DAPK1: variants seen among roughly 807,000 people sequenced by gnomAD.
DAPK1 encodes the protein death-associated protein kinase 1.
A neutral mutation model predicts 144.9 loss-of-function variants in DAPK1; 56 were observed. That is an observed-to-expected ratio of 0.39 (90% confidence interval 0.31 to 0.48). The LOEUF (loss-of-function observed/expected upper bound fraction) is 0.48. Among genes scored for constraint, DAPK1 ranks in the 20% least tolerant of loss-of-function variants. The probability of loss-of-function intolerance (pLI) is 0.95; values close to 1 mark genes in which losing one functional copy is unlikely to be tolerated. For missense variants in DAPK1, 1,454 were observed against 1,875.4 expected (o/e 0.78, Z 4.15); for synonymous variants, 690 against 749.0 (o/e 0.92, Z 1.29).
At chr9:87,646,407 T>A in intron 12 of DAPK1, 54 bp from the exon 13 acceptor site, 1 of 1,349,236 alleles carries the variant, frequency 7.4e-7, no homozygotes, top group Non-Finnish European at 1.1e-6. Flanking sequence ...TCGTTTGGGC[T>A]TTTCCTTTCC....
intron 2 of DAPK1, among the ~76,000 whole-genome samples, chr9:87,524,746 C>T (rs62562127): frequency 0.089 from 13,540 of 152,118 alleles, 893 homozygotes; most frequent in East Asian, 0.33. Context: ...TGCAGTAAAC[C>T]GATGAGATTG....
intron 2 of DAPK1, among the ~76,000 whole-genome samples, chr9:87,547,714 G>A (rs756672784): frequency 1.3e-5 from 2 of 152,028 alleles, no homozygotes; most frequent in Non-Finnish European, 2.9e-5. Context: ...GGGGTGCAGG[G>A]TGGAGATCGG....
rs115594100 is a variant in DAPK1 at position 87,559,525 on chromosome 9, C to T, written c.63-45429C>T. ...AATTTTAGTTAAATTTCACTAGCAC[C>T]GTGACTAGTAGCTACTGTGGTGGAC... On this transcript the variant is annotated intron_variant, in intron 2 of 25. Coordinates refer to ENST00000408954, the MANE Select transcript of DAPK1 (RefSeq NM_004938.4). Among the ~76,000 whole-genome samples the T allele has an allele frequency of 2.9e-3, 448 of 152,184 alleles. 4 individuals carry two copies. Among genetic ancestry groups the T allele is most frequent in the African/African-American group, 1.0e-2 (415 of 41,522 alleles).
At chr9:87,666,841 G>T (rs546835060) in intron 18 of DAPK1, among the ~76,000 whole-genome samples, 2 of 152,298 alleles carry the variant, frequency 1.3e-5, no homozygotes, top group Non-Finnish European at 2.9e-5. Flanking sequence ...AGTTCATCCT[G>T]TCGGTGAAAG....
chr9:87,552,918 A>G (rs1826550729), intron 2 of DAPK1, among the ~76,000 whole-genome samples: 3 of 152,054 alleles, frequency 2.0e-5, no homozygotes, highest in South Asian at 4.2e-4. Flanking sequence ...CATTTGAACC[A>G]TTTTTAAGTG....
chr9:87,628,908 A>G (rs1050967621), intron 3 of DAPK1, among the ~76,000 whole-genome samples: 1 of 152,200 alleles, frequency 6.6e-6, no homozygotes, highest in African/African-American at 2.4e-5. Flanking sequence ...ACTTCAGTGG[A>G]TTCTAATTAT....
chr9:87,534,042 G>T (rs558397686), intron 2 of DAPK1, among the ~76,000 whole-genome samples: 8 of 151,582 alleles, frequency 5.3e-5, no homozygotes, highest in Non-Finnish European at 1.0e-4. Context: ...ATAATGCTTT[G>T]CAATTTTAAA....
At chr9:87,518,608 C>A (rs1825171864) in intron 2 of DAPK1, among the ~76,000 whole-genome samples, 2 of 152,110 alleles carry the variant, frequency 1.3e-5, no homozygotes, top group African/African-American at 4.8e-5. Flanking sequence ...CTGGAAATGA[C>A]TGTAGACTAT....
upstream of DAPK1, chr9:87,497,700 G>A (rs943713953): frequency 2.3e-5 from 5 of 221,364 alleles, no homozygotes; most frequent in Non-Finnish European, 4.4e-5. Context: ...CAGCGAGCCC[G>A]GAGCGCGGAG....
chr9:87,558,583 A>T, intron 2 of DAPK1, among the ~76,000 whole-genome samples: 1 of 152,154 alleles, frequency 6.6e-6, no homozygotes, highest in African/African-American at 2.4e-5. Context: ...GTCCCTTTCG[A>T]CGAAAACGAA....
At chr9:87,576,707 G>A (rs1319003760) in intron 2 of DAPK1, among the ~76,000 whole-genome samples, 3 of 152,064 alleles carry the variant, frequency 2.0e-5, no homozygotes, top group East Asian at 1.9e-4. Context: ...ACAGGCACCC[G>A]CCACTGCACC....
chr9:87,627,421 G>A (rs373793875), intron 3 of DAPK1, among the ~76,000 whole-genome samples: 3 of 152,090 alleles, frequency 2.0e-5, no homozygotes, highest in African/African-American at 7.2e-5. Context: ...CTTATAAATC[G>A]CAGGGTTCTT....
intron 2 of DAPK1, among the ~76,000 whole-genome samples, chr9:87,569,753 G>A (rs967174546): frequency 6.6e-6 from 1 of 152,168 alleles, no homozygotes; most frequent in Non-Finnish European, 1.5e-5. Context: ...CATTAATCTT[G>A]TGTTAAGTTT....
At chr9:87,629,025 T>G (rs1416127400) in intron 3 of DAPK1, among the ~76,000 whole-genome samples, 1 of 152,224 alleles carries the variant, frequency 6.6e-6, no homozygotes, top group Non-Finnish European at 1.5e-5. Context: ...TTGGATTGGA[T>G]ACTCCCCCAC....
chr9:87,560,782 C>A (rs1188770635), intron 2 of DAPK1, among the ~76,000 whole-genome samples: 1 of 151,712 alleles, frequency 6.6e-6, no homozygotes, highest in East Asian at 1.9e-4. Flanking sequence ...TCTCCTACCT[C>A]AGCCTCCCGA....
At chr9:87,643,121 A>G (rs895559393) in intron 10 of DAPK1, among the ~76,000 whole-genome samples, 24 of 152,144 alleles carry the variant, frequency 1.6e-4, no homozygotes, top group African/African-American at 5.8e-4. Flanking sequence ...CAATAATGAA[A>G]CATGGAAGGA....
chr9:87,675,880 C>CACACACAT, intron 19 of DAPK1, among the ~76,000 whole-genome samples: 1 of 151,442 alleles, frequency 6.6e-6, no homozygotes, highest in Non-Finnish European at 1.5e-5. Flanking sequence ...CACACACACA[C>CACACACAT]ACACACACAC....
At chr9:87,529,467 CTT>C (rs1271150206) in intron 2 of DAPK1, among the ~76,000 whole-genome samples, 1 of 152,146 alleles carries the variant, frequency 6.6e-6, no homozygotes, top group Non-Finnish European at 1.5e-5. Context: ...TTCTGTGACT[CTT>C]TGAGGAGATT....
rs36206861 is a variant in DAPK1 at position 87,603,239 on chromosome 9, G to A, written c.63-1715G>A. On this transcript the variant is annotated intron_variant, in intron 2 of 25. Coordinates refer to ENST00000408954, the MANE Select transcript of DAPK1 (RefSeq NM_004938.4). Reference sequence around the variant, plus strand: ...TCAAGCTCTTTTCCCTCTTCTCTCCGTATGCCCCATCTCTGCCACCCTCCG... The same window carrying A: ...TCAAGCTCTTTTCCCTCTTCTCTCCATATGCCCCATCTCTGCCACCCTCCG... Among the ~76,000 whole-genome samples the A allele has an allele frequency of 1.8e-4, 27 of 152,224 alleles. No homozygotes were observed. The East Asian group carries it at 4.6e-3, about 26-fold the overall frequency.
Sources: allele counts gnomAD v4.1 joint callset (sites outside exome capture counted in the v4.1 genomes callset), GRCh38; gene constraint gnomAD v4.1.1; transcripts MANE v1.5; gene names NCBI Gene and HGNC (gene_info 2026-07-23, HGNC 2026-07-21).